The following CLTC variants were observed in gnomAD, a reference collection of about 807,000 sequenced individuals.
CLTC encodes the protein clathrin heavy chain.
A neutral mutation model predicts 195.8 loss-of-function variants in CLTC; 16 were observed. The ratio of observed to expected loss-of-function variants is 0.08; its 90% confidence interval spans 0.06 to 0.12. The LOEUF (loss-of-function observed/expected upper bound fraction) is 0.12, where lower values mean the gene tolerates loss of function less well. CLTC is among the 10% of genes least tolerant of loss of function. The pLI, the probability that CLTC is intolerant of heterozygous loss-of-function variation, is 1.00. For synonymous variants in CLTC, 667 were observed against 689.4 expected, an observed-to-expected ratio of 0.97 and a Z score of 0.51; for missense variants, 796 against 2,027.0, an observed-to-expected ratio of 0.39 and a Z score of 11.66.
At chr17:59,650,857 T>C (rs1371727223) in intron 4 of CLTC, among the ~76,000 whole-genome samples, 2 of 152,190 alleles carry the variant, frequency 1.3e-5, no homozygotes, top group Non-Finnish European at 2.9e-5. Flanking sequence ...CTTATGACTG[T>C]AGCGTCACAC....
intron 31 of CLTC, among the ~76,000 whole-genome samples, chr17:59,693,309 G>GTGA (rs2143621258): frequency 6.6e-6 from 1 of 151,330 alleles, no homozygotes; most frequent in East Asian, 2.0e-4. Context: ...AGAGGTTTCA[G>GTGA]TGAGCCGAGA....
At chr17:59,631,307 C>T (rs1298886128) in intron 1 of CLTC, among the ~76,000 whole-genome samples, 2 of 152,124 alleles carry the variant, frequency 1.3e-5, no homozygotes, top group African/African-American at 2.4e-5. Flanking sequence ...GTACCTGTTA[C>T]GTATACTGAG....
chr17:59,673,517 C>G (rs912428262), intron 14 of CLTC, 130 bp from the exon 15 acceptor site: 15 of 658,314 alleles, frequency 2.3e-5, no homozygotes, highest in Non-Finnish European at 1.0e-5. Context: ...TTGGGACATT[C>G]TTTCTTTAAC....
chr17:59,679,478 C>G lies in CLTC; in HGVS notation c.2878C>G (p.Leu960Val). ...GGATCCAGAATTGTGGGGCAGCGTG[C>G]TGCTGGAAAGCAATCCTTACAGGAG... ...RKDPELWGSV[L>V]LESNPYRRPL... Residue 960 changes from leucine to valine, a missense_variant, in exon 18 of 32, where the codon CTG becomes GTG. Physicochemically the swap from Leu to Val is conservative, Grantham distance 32 (BLOSUM62 1). Around this residue, in one of 9 missense-constraint regions of CLTC, gnomAD observed 160 missense variants for 448.2 expected, o/e 0.36. Coordinates refer to ENST00000269122, the MANE Select transcript of CLTC (RefSeq NM_004859.4). The G allele has an allele frequency of 6.2e-7, 1 of 1,610,644 alleles. No individual in the cohort carries two copies. The highest frequency in any genetic ancestry group is 8.5e-7 in the Non-Finnish European group (1 of 1,178,252).
In CLTC at chr17:59,685,874, A is replaced by C. The variant is rs866934728; in HGVS notation, c.4827+66A>C. ...CATGTAAAATTCTACATGCACATTA[A>C]TTTTTTTAAATGCTTTTTTCTTTAG... On this transcript the variant is annotated intron_variant, in intron 30 of 31. Transcript: ENST00000269122. The surrounding 1 kb of genome is among the most constrained non-coding windows in gnomAD (Gnocchi z 5.0). The C allele has an allele frequency of 4.7e-5, 55 of 1,174,616 alleles. No individual in the cohort carries two copies. In the Middle Eastern group the frequency reaches 6.0e-4, roughly 13 times the overall value. The allele number at this position is 1,174,616 out of a possible 1,614,324, so 72.8% of individuals were successfully genotyped here.
chr17:59,635,889 A>G (rs2031845345), intron 1 of CLTC, among the ~76,000 whole-genome samples: 1 of 152,234 alleles, frequency 6.6e-6, no homozygotes, highest in Admixed American at 6.5e-5. Flanking sequence ...TAACAGTAGC[A>G]TGATGCTAAA....
intron 13 of CLTC, among the ~76,000 whole-genome samples, chr17:59,667,879 T>C (rs139801896): frequency 5.1e-4 from 77 of 152,340 alleles, no homozygotes; most frequent in African/African-American, 1.7e-3. Flanking sequence ...CTCTCTGTAC[T>C]AGTAGTACTC....
intron 1 of CLTC, among the ~76,000 whole-genome samples, chr17:59,643,644 A>G (rs969134517): frequency 7.2e-5 from 11 of 152,118 alleles, no homozygotes; most frequent in South Asian, 2.1e-4. Flanking sequence ...CCCTTAGCCA[A>G]CCACACTTTT....
intron 4 of CLTC, among the ~76,000 whole-genome samples, chr17:59,649,399 C>A (rs1289146616): frequency 6.6e-6 from 1 of 152,182 alleles, no homozygotes; most frequent in Non-Finnish European, 1.5e-5. Flanking sequence ...TTCCTAGCTC[C>A]CTGTTCAAAG....
At chr17:59,644,073 T>C (rs1840184645) in intron 1 of CLTC, among the ~76,000 whole-genome samples, 1 of 152,228 alleles carries the variant, frequency 6.6e-6, no homozygotes, top group African/African-American at 2.4e-5. Context: ...GCCTCTTATT[T>C]GAAACAGTTG....
intron 5 of CLTC, among the ~76,000 whole-genome samples, chr17:59,653,175 A>G (rs1044554967): frequency 1.6e-4 from 24 of 145,922 alleles, no homozygotes; most frequent in Non-Finnish European, 2.8e-4. Flanking sequence ...TTATTTGTTT[A>G]TTTATTTATT....
Position 59,680,929 on chromosome 17 carries a change from G to A in CLTC, c.2937G>A (p.Leu979=), listed in dbSNP as rs776850112. 3 of 1,613,402 alleles carry A rather than the reference G, an allele frequency of 1.9e-6. No individual in the cohort carries two copies. The South Asian group carries it at 3.3e-5, about 18-fold the overall frequency. ...CTCTGTAGGTTGTACAAACAGCTTT[G>A]TCTGAGACTCAGGACCCTGAAGAAG... is the stretch of plus-strand genomic sequence containing the variant. ...PLIDQVVQTA[L]SETQDPEEVS... Residue 979 remains leucine (L), a synonymous_variant, in exon 19 of 32, where the codon TTG becomes TTA. Transcript: ENST00000269122.
chr17:59,677,368 C>G (rs768005390), intron 17 of CLTC, among the ~76,000 whole-genome samples, 180 bp downstream of exon 17: 20 of 152,134 alleles, frequency 1.3e-4, no homozygotes, highest in Middle Eastern at 3.4e-3. Context: ...GTCTATATAC[C>G]CTTTATTCTG....
At chr17:59,637,127 T>C (rs982126030) in intron 1 of CLTC, among the ~76,000 whole-genome samples, 2 of 152,016 alleles carry the variant, frequency 1.3e-5, no homozygotes, top group Non-Finnish European at 2.9e-5. Flanking sequence ...CTCCCTGATA[T>C]TTAAGAACAA....
At chr17:59,631,825 C>T (rs1053109393) in intron 1 of CLTC, among the ~76,000 whole-genome samples, 1 of 152,062 alleles carries the variant, frequency 6.6e-6, no homozygotes, top group African/African-American at 2.4e-5. Flanking sequence ...AAAAAATTAG[C>T]CAGGTGTGGT....
chr17:59,672,758 T>C (rs971023991), intron 14 of CLTC, among the ~76,000 whole-genome samples: 4 of 152,204 alleles, frequency 2.6e-5, no homozygotes, highest in African/African-American at 9.7e-5. Flanking sequence ...AGGAGCCATT[T>C]AATTCTAACC....
At chr17:59,656,767 G>A (rs1347081908) in intron 6 of CLTC, among the ~76,000 whole-genome samples, 1 of 148,474 alleles carries the variant, frequency 6.7e-6, no homozygotes, top group Non-Finnish European at 1.5e-5. Flanking sequence ...TCCACTTCCC[G>A]GGTTTAAGCA....
chr17:59,639,180 C>G (rs2031957156), intron 1 of CLTC, among the ~76,000 whole-genome samples: 1 of 152,110 alleles, frequency 6.6e-6, no homozygotes, highest in Non-Finnish European at 1.5e-5. Context: ...TTGTGCCATT[C>G]TGTTGGAAAA....
In CLTC at chr17:59,680,581, C is replaced by A. The variant is rs1373067286; in HGVS notation, c.2920-331C>A. Among the ~76,000 whole-genome samples the A allele has an allele frequency of 2.0e-5, 3 of 152,008 alleles. No homozygotes were observed. The East Asian group carries it at 5.8e-4, about 29-fold the overall frequency. ...AGCATCTAGAAAACCAAGCAAATAG[C>A]CAAAACCAGACGAATTACCGATATT... On this transcript the variant is annotated intron_variant, in intron 18 of 31. Coordinates refer to ENST00000269122, the MANE Select transcript of CLTC (RefSeq NM_004859.4).
Sources: gnomAD v4.1 joint callset for allele counts (sites outside exome capture counted in the v4.1 genomes callset) on GRCh38, gnomAD v4.1.1 for gene constraint, gnomAD v4.1.1 regional missense constraint, Gnocchi (gnomAD v3.1) non-coding constraint, MANE v1.5 for transcripts, NCBI Gene and HGNC (gene_info 2026-07-23, HGNC 2026-07-21) for gene names.